PRODH2: variants seen among roughly 807,000 people sequenced by gnomAD.
PRODH2 encodes the protein hydroxyproline dehydrogenase.
Under a neutral mutation model 51.9 loss-of-function variants are expected in PRODH2, and 49 were observed. The observed-to-expected ratio is 0.94, with a 90% CI of 0.75 to 1.20. The LOEUF is 1.20. Among genes scored for constraint, PRODH2 ranks in the 50% most tolerant of loss-of-function variants. PRODH2 has a pLI of 0.00. For synonymous variants in PRODH2, 249 were observed against 260.7 expected (o/e 0.96, Z 0.43); for missense variants, 597 against 610.9 (o/e 0.98, Z 0.24).
chr19:35,807,540 T>G (rs1972534482), intron 4 of PRODH2, among the ~76,000 whole-genome samples: 1 of 151,604 alleles, frequency 6.6e-6, no homozygotes, highest in Non-Finnish European at 1.5e-5. Context: ...TGACCTCAAG[T>G]GATCTGCCCA....
intron 7 of PRODH2, among the ~76,000 whole-genome samples, chr19:35,803,345 C>T (rs895341770): frequency 6.6e-6 from 1 of 152,152 alleles, no homozygotes; most frequent in Non-Finnish European, 1.5e-5. Context: ...ACCTCCACCT[C>T]CCAGGTTCAA....
chr19:35,812,098 G>A (rs774976151), intron 3 of PRODH2, 36 bp downstream of exon 3: 14 of 1,613,380 alleles, frequency 8.7e-6, no homozygotes, highest in South Asian at 4.4e-5. Flanking sequence ...ATGGGCAGCC[G>A]CGCCCTCCCC....
intron 4 of PRODH2, among the ~76,000 whole-genome samples, chr19:35,810,709 C>T (rs1336092870): frequency 2.0e-5 from 3 of 151,996 alleles, no homozygotes; most frequent in East Asian, 1.9e-4. Context: ...CTAGTAGAGA[C>T]GGAGTTTTAC....
In PRODH2 at chr19:35,812,127, T is replaced by C. The variant is rs1206505345; in HGVS notation, c.510+7A>G. ...CCTCCCCGCACCCCCGTCTTTGCACTCCTTACACAGAGCCGAGTACTGGTC... is the reference window on the plus strand; with the variant it reads ...CCTCCCCGCACCCCCGTCTTTGCACCCCTTACACAGAGCCGAGTACTGGTC... On this transcript the variant is annotated splice_region_variant and intron_variant, in intron 3 of 9. Coordinates refer to ENST00000653904, the MANE Select transcript of PRODH2 (RefSeq NM_021232.2). 1.4e-5 allele frequency: 22 copies of C among 1,613,514 alleles called. No homozygotes were observed. Among genetic ancestry groups the C allele is most frequent in the Non-Finnish European group, 1.5e-5 (18 of 1,179,608 alleles).
At chr19:35,802,112 G>T in intron 9 of PRODH2, 79 bp downstream of exon 9, 1 of 1,364,572 alleles carries the variant, frequency 7.3e-7, no homozygotes, top group Non-Finnish European at 1.0e-6. Flanking sequence ...CTGGGCCTTG[G>T]TTGGGAATAG....
In PRODH2 at chr19:35,810,285, AATAAT is replaced by A. The variant is rs1568443108; in HGVS notation, c.597+1672_597+1676del. 6.1e-3 allele frequency among the ~76,000 whole-genome samples: 901 copies of A among 147,198 alleles called. 8 individuals carry two copies. Among genetic ancestry groups the A allele is most frequent in the African/African-American group, 0.021 (863 of 40,480 alleles). On this transcript the variant is annotated intron_variant, in intron 4 of 9. Transcript: ENST00000653904. ...AAATAATAATAATAATAATAATAAT[AATAAT>A]AAATAAATAGATAAACAAATAAAAA...
rs1472479041 is a variant in PRODH2 at position 35,812,202 on chromosome 19, G to T, written c.442C>A (p.Pro148Thr). 6.2e-7 allele frequency: 1 copy of T among 1,614,098 alleles called. No homozygotes were observed. The highest frequency in any genetic ancestry group is 8.5e-7 in the Non-Finnish European group (1 of 1,180,028). The change falls in exon 3 of 10, where the codon CCC (proline) becomes ACC (threonine). Residue 148 changes from proline to threonine, a missense_variant. Transcript: ENST00000653904. ...AGGCTGGCCTCAGCCAGGCTGGGGG[G>T]CTCCAGGAGGCCCCGTGACAGGTCC... ...CVDLSRGLLE[P>T]PSLAEASLMQ...
chr19:35,807,558 C>T (rs1268597482), intron 4 of PRODH2, among the ~76,000 whole-genome samples: 1 of 152,048 alleles, frequency 6.6e-6, no homozygotes, highest in Non-Finnish European at 1.5e-5. Flanking sequence ...CCACATCGGC[C>T]TCCCAAAGTG....
At chr19:35,802,660 C>T (rs949369526) in intron 8 of PRODH2, among the ~76,000 whole-genome samples, 1 of 151,958 alleles carries the variant, frequency 6.6e-6, no homozygotes, top group African/African-American at 2.4e-5. Flanking sequence ...CTCTTGGGCT[C>T]AAGTGATCCT....
intron 4 of PRODH2, among the ~76,000 whole-genome samples, chr19:35,811,142 T>C (rs1397750686): frequency 1.3e-5 from 2 of 152,150 alleles, no homozygotes; most frequent in Non-Finnish European, 2.9e-5. Flanking sequence ...TGTACAATTC[T>C]TTTTACTTTT....
intron 9 of PRODH2, among the ~76,000 whole-genome samples, chr19:35,801,490 A>G (rs1972428259): frequency 6.6e-6 from 1 of 152,040 alleles, no homozygotes; most frequent in African/African-American, 2.4e-5. Context: ...AATAAAATAA[A>G]ATAAAAGAGA....
At chr19:35,807,255 C>T in intron 4 of PRODH2, 134 bp from the exon 5 acceptor site, 1 of 826,538 alleles carries the variant, frequency 1.2e-6, no homozygotes, top group Non-Finnish European at 1.9e-6. Context: ...GCTTCACCAC[C>T]TACTGTGTGA....
chr19:35,812,310 G>A, intron 2 of PRODH2, 38 bp from the exon 3 acceptor site: 1 of 1,611,026 alleles, frequency 6.2e-7, no homozygotes. Flanking sequence ...GAACAGCAAA[G>A]CCCCTTCCTG....
intron 7 of PRODH2, 148 bp downstream of exon 7, chr19:35,806,282 C>A: frequency 1.0e-6 from 1 of 983,976 alleles, no homozygotes; most frequent in East Asian, 2.5e-5. Flanking sequence ...TGGGGTCTCC[C>A]TGTGTTGCCC....
At chr19:35,804,322 G>C (rs1972476754) in intron 7 of PRODH2, among the ~76,000 whole-genome samples, 1 of 152,126 alleles carries the variant, frequency 6.6e-6, no homozygotes, top group Admixed American at 6.6e-5. Context: ...CAAAGTGCTG[G>C]GATTACAGGT....
chr19:35,801,914 G>C, intron 9 of PRODH2: 1 of 448,440 alleles, frequency 2.2e-6, no homozygotes. Context: ...CTTAGCACCT[G>C]GCAGAAGGAA....
Position 35,806,434 on chromosome 19 carries a change from G to C in PRODH2, c.997C>G (p.Gln333Glu). 1 of 1,614,004 alleles carries C rather than the reference G, an allele frequency of 6.2e-7. No individual in the cohort carries two copies. Among genetic ancestry groups the C allele is most frequent in the Non-Finnish European group, 8.5e-7 (1 of 1,180,016 alleles). ...GGCCAGCTGGCCCGGGCCTACCTCT[G>C]ACTGGTGGCCTCATAGTCAGGCTGA... is the stretch of plus-strand genomic sequence containing the variant. ...PTQPDYEATS[Q>E]SYSRCLELML... Residue 333 changes from glutamine (Q) to glutamate (E), a missense_variant, in exon 7 of 10, where the codon CAG becomes GAG. Gln to Glu is a conservative substitution (Grantham distance 29). Coordinates refer to ENST00000653904, the MANE Select transcript of PRODH2 (RefSeq NM_021232.2).
At chr19:35,801,145 C>A (rs1026795727) in intron 9 of PRODH2, among the ~76,000 whole-genome samples, 2 of 151,736 alleles carry the variant, frequency 1.3e-5, no homozygotes, top group Admixed American at 1.3e-4. Context: ...CAAGTCTGGG[C>A]GACAGAGCCA....
intron 7 of PRODH2, among the ~76,000 whole-genome samples, chr19:35,803,501 C>T (rs551969832): frequency 7.2e-5 from 11 of 152,198 alleles, no homozygotes; most frequent in Middle Eastern, 3.4e-3. Flanking sequence ...GTGATCTGCC[C>T]GCCTCAGCCT....
Sources: allele counts gnomAD v4.1 joint callset (sites outside exome capture counted in the v4.1 genomes callset), GRCh38; gene constraint gnomAD v4.1.1; transcripts MANE v1.5; gene names NCBI Gene and HGNC (gene_info 2026-07-23, HGNC 2026-07-21).